The following CCDC149 variants were observed in gnomAD, a reference collection of about 807,000 sequenced individuals.
The protein encoded by CCDC149 is coiled-coil domain-containing protein 149.
CCDC149 carries 45 observed loss-of-function variants against 59.9 expected under a neutral mutation model. The ratio of observed to expected loss-of-function variants is 0.75; its 90% CI spans 0.59 to 0.96. The LOEUF (loss-of-function observed/expected upper bound fraction) is 0.96, where lower values mean the gene tolerates loss of function less well. CCDC149 is among the 40% of genes least tolerant of loss of function. The pLI is 0.00. For synonymous variants in CCDC149, 245 were observed against 260.6 expected (o/e 0.94, Z 0.58); for missense variants, 584 against 664.7 (o/e 0.88, Z 1.33).
Position 24,931,829 on chromosome 4 carries a change from G to GTATATATATGTATATA in CCDC149, c.-64-36712_-64-36711insTATATACATATATATA, listed in dbSNP as rs60585956. Among the ~76,000 whole-genome samples, 622 of 76,922 alleles carry GTATATATATGTATATA rather than the reference G, an allele frequency of 8.1e-3. 26 individuals carry two copies. The highest frequency in any genetic ancestry group is 9.7e-3 in the Admixed American group (73 of 7,502). The allele number at this position is 76,922 out of a possible 152,430, so 50.5% of individuals were successfully genotyped here. ...CTCCCTTATATTGTATGGAGAGTAT[G>GTATATATATGTATATA]TATATATATATATATATATATATGC... On this transcript the variant is annotated intron_variant, in intron 1 of 12. Coordinates refer to the CCDC149 transcript ENST00000389609.
At chr4:24,858,713 G>C (rs1044581032) in intron 3 of CCDC149, among the ~76,000 whole-genome samples, 4 of 152,154 alleles carry the variant, frequency 2.6e-5, no homozygotes, top group African/African-American at 9.7e-5. Context: ...AGCCAGCCCT[G>C]GGTGTGGGAA....
At position 24,867,000 on chromosome 4, in the gene CCDC149, C is replaced by T. The variant is rs187302632; in HGVS notation, c.264+6681G>A. ...AATGGGCTGGACTGAATGTTGACTACGGTTTTTCCCAGCTCAAACAGTCTA... is the reference window on the plus strand; with the variant it reads ...AATGGGCTGGACTGAATGTTGACTATGGTTTTTCCCAGCTCAAACAGTCTA... On this transcript the variant is annotated intron_variant, in intron 3 of 12. Coordinates refer to ENST00000635206, the MANE Select transcript of CCDC149 (RefSeq NM_001330643.2). 1.1e-4 allele frequency among the ~76,000 whole-genome samples: 16 copies of T among 152,136 alleles called. No homozygotes were observed. In the East Asian group the frequency reaches 2.9e-3, roughly 28 times the overall value.
intron 1 of CCDC149, among the ~76,000 whole-genome samples, chr4:24,893,644 TCTCA>T (rs1720666306): frequency 9.5e-6 from 1 of 105,382 alleles, no homozygotes; most frequent in Non-Finnish European, 1.9e-5. Context: ...TGAGATGAAG[TCTCA>T]CTCTGTCAAT....
intron 1 of CCDC149, among the ~76,000 whole-genome samples, chr4:24,935,084 G>T (rs761132858): frequency 2.6e-5 from 4 of 152,182 alleles, no homozygotes; most frequent in Non-Finnish European, 4.4e-5. Context: ...CAGATAGCAG[G>T]CTCCATCAAT....
At chr4:24,847,819 T>C (rs572281974) in intron 4 of CCDC149, among the ~76,000 whole-genome samples, 11 of 152,226 alleles carry the variant, frequency 7.2e-5, no homozygotes, top group Admixed American at 1.3e-4. Context: ...GCTGGAGCTA[T>C]CTTTTCCTAG....
chr4:24,849,647 A>G (rs1717530390), intron 4 of CCDC149, among the ~76,000 whole-genome samples: 1 of 152,248 alleles, frequency 6.6e-6, no homozygotes, highest in Admixed American at 6.5e-5. Flanking sequence ...AGCTGAACAA[A>G]TGGAAAAATT....
chr4:24,903,388 C>T (rs1336391127), intron 1 of CCDC149, among the ~76,000 whole-genome samples: 1 of 152,184 alleles, frequency 6.6e-6, no homozygotes, highest in Non-Finnish European at 1.5e-5. Context: ...CAAGAAGGAA[C>T]ACTGAGCTTG....
chr4:24,908,309 C>T (rs1330024910), intron 1 of CCDC149, among the ~76,000 whole-genome samples: 1 of 152,168 alleles, frequency 6.6e-6, no homozygotes, highest in African/African-American at 2.4e-5. Context: ...CTCTTATTAT[C>T]TTCAGAGTCT....
rs115671869 is a variant in CCDC149, at chr4:24,927,351, G to A, written c.-64-32233C>T. Among the ~76,000 whole-genome samples, 531 of 152,264 alleles carry A rather than the reference G, an allele frequency of 3.5e-3. 2 individuals are homozygous for A. Among genetic ancestry groups the A allele is most frequent in the African/African-American group, 0.012 (511 of 41,558 alleles). On this transcript the variant is annotated intron_variant, in intron 1 of 12. Coordinates refer to the CCDC149 transcript ENST00000389609. ...CGTTATTAAAAAGAAAAGTTGAAAC[G>A]TAAGGCAAGATGCCAAATTCAGTCT...
intron 9 of CCDC149, chr4:24,828,631 A>C (rs1188776988): frequency 6.6e-6 from 1 of 152,078 alleles, no homozygotes; most frequent in Non-Finnish European, 1.5e-5. Context: ...AATACAAAAA[A>C]TTAGTCAGGC....
chr4:24,882,431 G>A (rs968516777), intron 1 of CCDC149, among the ~76,000 whole-genome samples: 18 of 152,192 alleles, frequency 1.2e-4, no homozygotes, highest in Non-Finnish European at 2.1e-4. Context: ...TGCCTTCTAT[G>A]TACTGGACAC....
intron 1 of CCDC149, among the ~76,000 whole-genome samples, chr4:24,904,415 C>T (rs780615832): frequency 6.6e-6 from 1 of 152,132 alleles, no homozygotes; most frequent in Non-Finnish European, 1.5e-5. Context: ...AGCCCTGCTC[C>T]ACAAGGAGCA....
chr4:24,853,988 C>T (rs553177613), intron 3 of CCDC149, among the ~76,000 whole-genome samples: 12 of 152,250 alleles, frequency 7.9e-5, no homozygotes, highest in Non-Finnish European at 1.5e-4. Flanking sequence ...TTAAGATTTG[C>T]CTCCTGTTGG....
intron 1 of CCDC149, among the ~76,000 whole-genome samples, chr4:24,934,005 C>G (rs975035340): frequency 7.9e-5 from 12 of 152,206 alleles, no homozygotes; most frequent in African/African-American, 2.9e-4. Flanking sequence ...TATGCTGTCA[C>G]CCTCCATGGT....
rs1286417954 is a variant in CCDC149 at position 24,940,722 on chromosome 4, C to CA, written c.-65+39346dup. 3.3e-3 allele frequency among the ~76,000 whole-genome samples: 495 copies of CA among 151,556 alleles called. 6 individuals carry two copies. Among genetic ancestry groups the CA allele is most frequent in the African/African-American group, 0.011 (466 of 41,356 alleles). On this transcript the variant is annotated intron_variant, in intron 1 of 12. Transcript: ENST00000389609. ...GAAGATCTACCAAGCAAATGGAAAA[C>CA]AAAAAAAGGCAGGGGTTGTAATTCT... is the stretch of plus-strand genomic sequence containing the variant.
chr4:24,928,986 A>G (rs1722508391), intron 1 of CCDC149, among the ~76,000 whole-genome samples: 1 of 152,194 alleles, frequency 6.6e-6, no homozygotes, highest in Non-Finnish European at 1.5e-5. Flanking sequence ...AGTGTCATGC[A>G]TTGAGCTATG....
intron 12 of CCDC149, among the ~76,000 whole-genome samples, chr4:24,814,689 T>C (rs888476006): frequency 6.6e-6 from 1 of 152,208 alleles, no homozygotes; most frequent in African/African-American, 2.4e-5. Context: ...TCTCACCATG[T>C]CTTTCCCCAG....
intron 4 of CCDC149, among the ~76,000 whole-genome samples, chr4:24,845,032 G>T (rs1269829957): frequency 6.6e-6 from 1 of 152,162 alleles, no homozygotes; most frequent in African/African-American, 2.4e-5. Context: ...TGGCAGTCAG[G>T]AATTGAGCCC....
chr4:24,814,721 C>CA (rs1714902228), intron 12 of CCDC149, among the ~76,000 whole-genome samples: 1 of 152,194 alleles, frequency 6.6e-6, no homozygotes, highest in Non-Finnish European at 1.5e-5. Flanking sequence ...TGAAAGGCTG[C>CA]CAGTGTCTCG....
Sources: gnomAD v4.1 joint callset for allele counts (sites outside exome capture counted in the v4.1 genomes callset) on GRCh38, gnomAD v4.1.1 for gene constraint, MANE v1.5 for transcripts, NCBI Gene and HGNC (gene_info 2026-07-23, HGNC 2026-07-21) for gene names.